The following ARSD variants were observed in gnomAD, a reference collection of about 807,000 sequenced individuals.
ARSD encodes arylsulfatase D.
Under a neutral mutation model 32.6 loss-of-function variants are expected in ARSD, and 21 were observed. That is an observed-to-expected ratio of 0.64 (90% CI 0.46 to 0.93). The LOEUF is 0.93. Among genes scored for constraint, ARSD ranks in the 40% least tolerant of loss-of-function variants. ARSD has a pLI of 0.00. For synonymous variants in ARSD, 224 were observed against 237.4 expected (o/e 0.94, Z 0.52); for missense variants, 454 against 520.9 (o/e 0.87, Z 1.25).
At position 2,909,867 on chromosome X, in the gene ARSD, G is replaced by A. The variant is rs776155435; in HGVS notation, c.1248C>T (p.Asp416=). Residue 416 remains aspartate, a synonymous_variant, in exon 8 of 10, where the codon GAC becomes GAT. Coordinates refer to ENST00000381154, the MANE Select transcript of ARSD (RefSeq NM_001669.4). Reference sequence around the variant, plus strand: ...CCAGCTGGACCACAGTAGGGAACACGTCCATCAGGCTCGTGGGCTCTCCAA... The same window carrying A: ...CCAGCTGGACCACAGTAGGGAACACATCCATCAGGCTCGTGGGCTCTCCAA... The part of the protein sequence containing the change: ...RVIGEPTSLM[D]VFPTVVQLVG... The A allele has an allele frequency of 1.1e-5, 13 of 1,207,877 alleles. No individual in the cohort carries two copies. The South Asian group carries it at 1.8e-4, about 16-fold the overall frequency.
At chrX:2,910,871 C>T in intron 6 of ARSD, 78 bp from the exon 7 acceptor site, 1 of 1,086,337 alleles carries the variant, frequency 9.2e-7, no homozygotes, top group Non-Finnish European at 1.2e-6. Flanking sequence ...TTCCTTTCTG[C>T]AGGAGACACC....
chrX:2,910,741 C>T lies in ARSD; in HGVS notation c.1053G>A (p.Thr351=), dbSNP rs144071506. 378 of 1,209,877 alleles carry T rather than the reference C, an allele frequency of 3.1e-4. No homozygotes were observed. Among genetic ancestry groups the T allele is most frequent in the Non-Finnish European group, 4.0e-4 (361 of 894,943 alleles). ...EDNGLKNSTF[T]YFTSDHGGHL... ...GTCCTCCATGGTCAGAGGTGAAATA[C>T]GTGAATGTTGAGTTCTTTAAACCAT... is the stretch of plus-strand genomic sequence containing the variant. Residue 351 remains threonine (T), a synonymous_variant, in exon 7 of 10, where the codon ACG becomes ACA. Transcript: ENST00000381154.
intron 6 of ARSD, chrX:2,913,865 C>A: frequency 4.3e-6 from 2 of 463,747 alleles, no homozygotes; most frequent in Non-Finnish European, 5.7e-6. Context: ...GAGCACCATC[C>A]CCCGCTTGGT....
In ARSD at chrX:2,920,612, G is replaced by A. The variant is rs1484967149; in HGVS notation, c.428C>T (p.Thr143Ile). The A allele has an allele frequency of 1.6e-5, 19 of 1,209,996 alleles. No homozygotes were observed. Among genetic ancestry groups the A allele is most frequent in the Middle Eastern group, 4.6e-4 (2 of 4,374 alleles). The change falls in exon 4 of 10, where the codon ACC becomes ATC. Residue 143 changes from threonine (T) to isoleucine (I), a missense_variant. By Grantham distance (89) the Thr-to-Ile change is moderately conservative. Transcript: ENST00000381154. ...ARILQQHGYA[T>I]GLIGKWHQGV... The stretch of plus-strand genomic sequence containing the variant: ...CCACATATCCACACCTATGAGGCCG[G>A]TTGCATAGCCATGCTGCTGCAAGAT...
At chrX:2,924,618 G>A (rs1037179511) in intron 2 of ARSD, among the ~76,000 whole-genome samples, 1 of 113,031 alleles carries the variant, frequency 8.8e-6, no homozygotes, top group African/African-American at 3.2e-5. Flanking sequence ...GGCTGAATGG[G>A]GGTCTGCGAA....
At chrX:2,911,094 G>A (rs776621400) in intron 6 of ARSD, among the ~76,000 whole-genome samples, 39 of 112,213 alleles carry the variant, frequency 3.5e-4, no homozygotes, top group Non-Finnish European at 7.1e-4. Context: ...AGGTCAGGCC[G>A]GGCCTGGCGG....
Position 2,918,338 on chromosome X carries a change from C to CA in ARSD, c.440-112dup, listed in dbSNP as rs111954519. ...CAGGAAAAGAAAAGTCTGCAAAGAGCAAAACTGGAAATGGAAAGGCAATGA... is the reference window on the plus strand; with the variant it reads ...CAGGAAAAGAAAAGTCTGCAAAGAGCAAAAACTGGAAATGGAAAGGCAATGA... On this transcript the variant is annotated intron_variant, in intron 4 of 9. Transcript: ENST00000381154. The CA allele has an allele frequency of 4.3e-4, 332 of 770,096 alleles. 1 individual carries two copies. In the African/African-American group the frequency reaches 6.2e-3, roughly 14 times the overall value. The allele number at this position is 770,096 out of a possible 1,213,427, so 63.5% of individuals were successfully genotyped here. A position where few individuals can be genotyped will look rare whatever the true frequency, so the allele number is the denominator to read the frequency against.
At chrX:2,924,268 A>C (rs1331484538) in intron 2 of ARSD, among the ~76,000 whole-genome samples, 2 of 113,472 alleles carry the variant, frequency 1.8e-5, no homozygotes, top group Admixed American at 1.9e-4. Context: ...TCCTGGGCTC[A>C]AGTGATCCAC....
At position 2,917,923 on chromosome X, in the gene ARSD, G is replaced by C; in HGVS notation, c.744C>G (p.Phe248Leu). 1 of 1,212,093 alleles carries C rather than the reference G, an allele frequency of 8.3e-7. No homozygotes were observed. The highest frequency in any genetic ancestry group is 2.3e-4 in the Middle Eastern group (1 of 4,354). Residue 248 changes from phenylalanine to leucine, a missense_variant, in exon 5 of 10, where the codon TTC becomes TTG. Around this residue, in one of 3 missense-constraint regions of ARSD, gnomAD observed 271 missense variants for 301.0 expected, o/e 0.90. Transcript: ENST00000381154. ...TACAGTTCCAGCGTCGCACAAACCC[G>C]AAGGAGGAGTACCAAGAGATGAAAA... ...CLFFISWYSS[F>L]GFVRRWNCIL...
chrX:2,925,329 G>C (rs1180284693), intron 2 of ARSD, among the ~76,000 whole-genome samples: 1 of 112,419 alleles, frequency 8.9e-6, no homozygotes, highest in Non-Finnish European at 1.9e-5. Context: ...CCTCCCATAG[G>C]GCCCCCAGAG....
intron 6 of ARSD, chrX:2,913,772 T>C: frequency 1.1e-6 from 1 of 908,623 alleles, no homozygotes; most frequent in Non-Finnish European, 1.4e-6. Flanking sequence ...CCAAATCTCA[T>C]GTGGAATTGT....
In ARSD at chrX:2,929,255, C is replaced by T. The variant is rs968558873; in HGVS notation, c.21G>A (p.Arg7=). The T allele has an allele frequency of 5.0e-5, 51 of 1,029,392 alleles. 1 individual carries two copies. In the Admixed American group the frequency reaches 2.3e-3, roughly 46 times the overall value. 84.8% of individuals were successfully genotyped at this position (1,029,392 alleles called of 1,213,427 possible). A position where few individuals can be genotyped will look rare whatever the true frequency, so the allele number is the denominator to read the frequency against. The change falls in exon 1 of 10, where the codon AGG becomes AGA. Residue 7 remains arginine, a synonymous_variant. Transcript: ENST00000381154. MRSAAR[R]GRAAPAARDS... ...ACCTGGCGGCGGGCGCGGCGCGTCCCCTCCGCGCGGCGGATCGCATGGCCG... is the reference window on the plus strand; with the variant it reads ...ACCTGGCGGCGGGCGCGGCGCGTCCTCTCCGCGCGGCGGATCGCATGGCCG...
chrX:2,916,409 A>G (rs1446111412), intron 5 of ARSD, among the ~76,000 whole-genome samples: 1 of 109,487 alleles, frequency 9.1e-6, no homozygotes, highest in Non-Finnish European at 1.9e-5. Context: ...GAGGCACGAG[A>G]ATTGCCTGAG....
In ARSD at chrX:2,907,272, C is replaced by T; in HGVS notation, c.1781G>A (p.Ter594=). 1 of 1,202,991 alleles carries T rather than the reference C, an allele frequency of 8.3e-7. No homozygotes were observed. Among genetic ancestry groups the T allele is most frequent in the Non-Finnish European group, 1.1e-6 (1 of 890,165 alleles). Residue 594 remains the stop codon, a stop_retained_variant, in exon 10 of 10, where the codon TGA becomes TAA. Coordinates refer to ENST00000381154, the MANE Select transcript of ARSD (RefSeq NM_001669.4). Reference sequence around the variant, plus strand: ...GATCCTCTCTCACAGTCCTGGCATTCAGGGGGTGCCATCCCCATCCTCGTG... The same window carrying T: ...GATCCTCTCTCACAGTCCTGGCATTTAGGGGGTGCCATCCCCATCCTCGTG... ...SCHEDGDGTP[*]
chrX:2,907,604 C>T lies in ARSD; in HGVS notation c.1449G>A (p.Thr483=), dbSNP rs368943060. The change falls in exon 10 of 10, where the codon ACG becomes ACA. Residue 483 remains threonine (T), a synonymous_variant. Coordinates refer to ENST00000381154, the MANE Select transcript of ARSD (RefSeq NM_001669.4). Reference sequence around the variant, plus strand: ...CTCCCTCGGGGTGGAACTGCGGGGTCGTGTAATGAACCTTCCAGACGCTTC... The same window carrying T: ...CTCCCTCGGGGTGGAACTGCGGGGTTGTGTAATGAACCTTCCAGACGCTTC... ...DSGSVWKVHY[T]TPQFHPEGAG... 3 of 1,113,691 alleles carry T rather than the reference C, an allele frequency of 2.7e-6. No individual in the cohort carries two copies. Among genetic ancestry groups the T allele is most frequent in the Admixed American group, 6.8e-5 (2 of 29,486 alleles). The allele number at this position is 1,113,691 out of a possible 1,213,427, so 91.8% of individuals were successfully genotyped here.
intron 1 of ARSD, among the ~76,000 whole-genome samples, chrX:2,928,836 C>T (rs1235295417): frequency 8.9e-6 from 1 of 111,962 alleles, no homozygotes. Flanking sequence ...CGAATCCGGG[C>T]AGCGGTGTAG....
intron 6 of ARSD, among the ~76,000 whole-genome samples, chrX:2,911,769 A>G (rs2088905014): frequency 9.0e-6 from 1 of 111,068 alleles, no homozygotes; most frequent in African/African-American, 3.3e-5. Flanking sequence ...AGTGGTGGAC[A>G]TGCGTCATGA....
At chrX:2,910,044 G>A in intron 7 of ARSD, 65 bp from the exon 8 acceptor site, 5 of 1,177,695 alleles carry the variant, frequency 4.2e-6, no homozygotes, top group Non-Finnish European at 5.7e-6. Flanking sequence ...ACATCTGGAT[G>A]TATTTGTGCA....
intron 9 of ARSD, among the ~76,000 whole-genome samples, 180 bp downstream of exon 9, chrX:2,908,541 C>CCA (rs2088874372): frequency 1.0e-5 from 1 of 100,383 alleles, no homozygotes; most frequent in Admixed American, 1.1e-4. Context: ...CTCTCCCCCC[C>CCA]CCATCATCTA....
Sources: gnomAD v4.1 joint callset for allele counts (sites outside exome capture counted in the v4.1 genomes callset) on GRCh38, gnomAD v4.1.1 for gene constraint, gnomAD v4.1.1 regional missense constraint, MANE v1.5 for transcripts, NCBI Gene and HGNC (gene_info 2026-07-23, HGNC 2026-07-21) for gene names.